Variants in SHC4 observed in about 807,000 individuals in gnomAD.
SHC4 encodes the protein SHC adaptor protein 4.
In SHC4, 41 loss-of-function variants were observed where a neutral mutation model predicts 69.4. The ratio of observed to expected loss-of-function variants is 0.59; its 90% CI spans 0.46 to 0.77. The LOEUF (loss-of-function observed/expected upper bound fraction) is 0.77, where lower values mean the gene tolerates loss of function less well. Ranked by LOEUF, SHC4 falls within the 30% of genes least tolerant of loss-of-function variation. The pLI is 0.00. For missense variants in SHC4, 777 were observed against 783.8 expected, an observed-to-expected ratio of 0.99 and a Z score of 0.10; for synonymous variants, 318 against 299.3, an observed-to-expected ratio of 1.06 and a Z score of -0.64.
intron 4 of SHC4, chr15:48,876,480 TACAC>T: frequency 2.2e-6 from 1 of 449,524 alleles, no homozygotes; most frequent in Non-Finnish European, 4.0e-6. Flanking sequence ...TATATACACA[TACAC>T]ACATACATAT....
chr15:48,895,966 T>C (rs1900213772), intron 2 of SHC4, among the ~76,000 whole-genome samples: 1 of 152,038 alleles, frequency 6.6e-6, no homozygotes, highest in South Asian at 2.1e-4. Flanking sequence ...TGCACACCTG[T>C]GGCCACAGCT....
chr15:48,851,941 T>C (rs1352256297), intron 8 of SHC4, among the ~76,000 whole-genome samples: 1 of 152,148 alleles, frequency 6.6e-6, no homozygotes, highest in African/African-American at 2.4e-5. Context: ...ACTCAAAACA[T>C]ATTTTCATGG....
At chr15:48,910,295 G>A (rs1900484907) in intron 2 of SHC4, among the ~76,000 whole-genome samples, 2 of 151,968 alleles carry the variant, frequency 1.3e-5, no homozygotes, top group South Asian at 4.1e-4. Flanking sequence ...TAGGAGGGTT[G>A]TATTTTTCCA....
chr15:48,875,180 A>G lies in SHC4; in HGVS notation c.841-3038T>C, dbSNP rs185392959. Among the ~76,000 whole-genome samples, 133 of 133,738 alleles carry G rather than the reference A, an allele frequency of 9.9e-4. 2 individuals carry two copies. The highest frequency in any genetic ancestry group is 3.5e-5 in the Non-Finnish European group (2 of 57,718). The allele number at this position is 133,738 out of a possible 152,430, so 87.7% of individuals were successfully genotyped here. Reference sequence around the variant, plus strand: ...ATTATCCAAGCTTGCTTTGCATAACATGTAGCAAGTGGCTATCTAACAAAG... The same window carrying G: ...ATTATCCAAGCTTGCTTTGCATAACGTGTAGCAAGTGGCTATCTAACAAAG... On this transcript the variant is annotated intron_variant, in intron 4 of 11. Coordinates refer to ENST00000332408, the MANE Select transcript of SHC4 (RefSeq NM_203349.4).
intron 4 of SHC4, among the ~76,000 whole-genome samples, chr15:48,882,077 T>G (rs1222003167): frequency 6.6e-6 from 1 of 152,216 alleles, no homozygotes; most frequent in Non-Finnish European, 1.5e-5. Flanking sequence ...GTATTTATTT[T>G]AGAACTTCCA....
chr15:48,917,541 C>T (rs1474354442), intron 2 of SHC4, among the ~76,000 whole-genome samples: 1 of 151,946 alleles, frequency 6.6e-6, no homozygotes, highest in African/African-American at 2.4e-5. Flanking sequence ...CAGTAAAAAC[C>T]TCCTCTTTTG....
At chr15:48,943,982 C>T (rs923943759) in intron 1 of SHC4, among the ~76,000 whole-genome samples, 63 of 151,906 alleles carry the variant, frequency 4.1e-4, no homozygotes, top group African/African-American at 1.4e-3. Context: ...AAAGAGGGAA[C>T]GGAAAAGGAA....
chr15:48,843,482 A>G lies in SHC4; in HGVS notation c.1410T>C (p.Ala470=), dbSNP rs751053177. The G allele has an allele frequency of 6.9e-5, 111 of 1,613,976 alleles. No individual in the cohort carries two copies. Among genetic ancestry groups the G allele is most frequent in the Middle Eastern group, 4.9e-4 (3 of 6,080 alleles). The change falls in exon 10 of 12, where the codon GCT becomes GCC. Residue 470 remains alanine (A), a synonymous_variant. Transcript: ENST00000332408. ...CAGCAGAGCCAGGTGTACTTTGAAG[A>G]GCCTGTGTATTAATGTAGCAGGGGT... ...FDDPCYINTQ[A]LQSTPGSAGN...
chr15:48,904,400 T>C (rs188292425), intron 2 of SHC4, among the ~76,000 whole-genome samples: 1 of 152,214 alleles, frequency 6.6e-6, no homozygotes, highest in East Asian at 1.9e-4. Context: ...AATAATAAAC[T>C]GCTATTTCAA....
At chr15:48,923,442 CA>C (rs1366273672) in intron 2 of SHC4, among the ~76,000 whole-genome samples, 1 of 149,714 alleles carries the variant, frequency 6.7e-6, no homozygotes, top group African/African-American at 2.5e-5. Flanking sequence ...CCCGGCTACT[CA>C]GGAGGCGGAG....
At chr15:48,930,464 C>T (rs911746299) in intron 1 of SHC4, among the ~76,000 whole-genome samples, 5 of 152,106 alleles carry the variant, frequency 3.3e-5, no homozygotes, top group East Asian at 1.9e-4. Context: ...AAGGCACAGG[C>T]CCTGCACTTG....
intron 10 of SHC4, among the ~76,000 whole-genome samples, chr15:48,835,648 G>C (rs770775578): frequency 1.3e-5 from 2 of 152,140 alleles, no homozygotes; most frequent in Non-Finnish European, 2.9e-5. Flanking sequence ...CAAATCATCA[G>C]GGAGGAACAG....
chr15:48,951,815 T>C (rs1011593966), intron 1 of SHC4, among the ~76,000 whole-genome samples: 1 of 152,164 alleles, frequency 6.6e-6, no homozygotes, highest in African/African-American at 2.4e-5. Flanking sequence ...CCATAATCCT[T>C]CATTGGTATC....
At chr15:48,854,868 C>T (rs1899282156) in intron 8 of SHC4, among the ~76,000 whole-genome samples, 1 of 152,216 alleles carries the variant, frequency 6.6e-6, no homozygotes, top group African/African-American at 2.4e-5. Context: ...TGTTACTATG[C>T]TCACTACCTG....
intron 4 of SHC4, among the ~76,000 whole-genome samples, chr15:48,874,885 A>G (rs8025229): frequency 0.82 from 124,382 of 152,030 alleles, 51,496 homozygotes; most frequent in East Asian, 1. Context: ...TTTGTTCCTG[A>G]CCCGCCCATT....
chr15:48,958,592 C>T (rs768029340), intron 1 of SHC4, among the ~76,000 whole-genome samples: 23 of 152,220 alleles, frequency 1.5e-4, no homozygotes, highest in Admixed American at 6.5e-5. Flanking sequence ...ATTTTCAACA[C>T]CTCCCGTGTG....
intron 1 of SHC4, among the ~76,000 whole-genome samples, chr15:48,952,126 A>G (rs1051270885): frequency 2.6e-5 from 4 of 152,200 alleles, no homozygotes; most frequent in Admixed American, 6.5e-5. Flanking sequence ...GGGAGGCACA[A>G]TGGCCTTTCA....
intron 11 of SHC4, among the ~76,000 whole-genome samples, chr15:48,828,659 CCT>C (rs1295413972): frequency 1.3e-5 from 2 of 152,108 alleles, no homozygotes; most frequent in Non-Finnish European, 2.9e-5. Flanking sequence ...CTTGCGAACA[CCT>C]GTTATTTTCT....
rs1900375467 is a variant in SHC4 at position 48,904,683 on chromosome 15, G to A, written c.657-13872C>T. ...GCTTGAGGCCTAGAGTTTGAGACCAGCCTGGGCAATATAGCAAGACCTCAT... is the reference window on the plus strand; with the variant it reads ...GCTTGAGGCCTAGAGTTTGAGACCAACCTGGGCAATATAGCAAGACCTCAT... On this transcript the variant is annotated intron_variant, in intron 2 of 11. Coordinates refer to ENST00000332408, the MANE Select transcript of SHC4 (RefSeq NM_203349.4). 2.6e-5 allele frequency among the ~76,000 whole-genome samples: 4 copies of A among 152,124 alleles called. No individual in the cohort carries two copies. In the South Asian group the frequency reaches 8.3e-4, roughly 32 times the overall value.
Sources: allele counts gnomAD v4.1 joint callset (sites outside exome capture counted in the v4.1 genomes callset), GRCh38; gene constraint gnomAD v4.1.1; transcripts MANE v1.5; gene names NCBI Gene and HGNC (gene_info 2026-07-23, HGNC 2026-07-21).